TNPO3: variants seen among roughly 807,000 people sequenced by gnomAD.
The protein encoded by TNPO3 is transportin 3.
TNPO3 carries 65 observed loss-of-function variants against 122.8 expected under a neutral mutation model. That is an observed-to-expected ratio of 0.53 (90% CI 0.43 to 0.65). The LOEUF is 0.65. TNPO3 is among the 30% of genes least tolerant of loss of function. TNPO3 has a pLI of 0.00. For synonymous variants in TNPO3, 372 were observed against 411.2 expected, an observed-to-expected ratio of 0.90 and a Z score of 1.15; for missense variants, 850 against 1,136.7, an observed-to-expected ratio of 0.75 and a Z score of 3.63.
rs751085949 is a variant in TNPO3 at position 128,992,104 on chromosome 7, G to A, written c.1267-14C>T. On this transcript the variant is annotated splice_polypyrimidine_tract_variant and intron_variant, in intron 9 of 22. Coordinates refer to ENST00000265388, the MANE Select transcript of TNPO3 (RefSeq NM_012470.4). ...AGTAGAATATAACTAGAGAAGAAGA[G>A]GTGGATTATGGATCCATTAAAAGGA... 6.9e-6 allele frequency: 10 copies of A among 1,457,062 alleles called. No homozygotes were observed. Among genetic ancestry groups the A allele is most frequent in the Non-Finnish European group, 9.5e-6 (10 of 1,056,510 alleles). 90.3% of individuals were successfully genotyped at this position (1,457,062 alleles called of 1,614,324 possible).
chr7:128,995,125 G>A (rs908764766), intron 8 of TNPO3, among the ~76,000 whole-genome samples: 1 of 152,024 alleles, frequency 6.6e-6, no homozygotes, highest in African/African-American at 2.4e-5. Context: ...TCATGTAGGT[G>A]GACAGATATA....
At chr7:129,055,334 C>T (rs950247661), upstream of TNPO3, 12 of 156,346 alleles carry the variant, frequency 7.7e-5, no homozygotes, top group African/African-American at 2.9e-4. Context: ...CTGCCTTCAG[C>T]TCCTTGGAAA....
At chr7:129,030,832 T>C (rs1484281483) in intron 1 of TNPO3, among the ~76,000 whole-genome samples, 1 of 152,236 alleles carries the variant, frequency 6.6e-6, no homozygotes, top group Non-Finnish European at 1.5e-5. Flanking sequence ...TTTTCTGATA[T>C]GCTACTCAAG....
rs1028192233 is a variant in TNPO3, at chr7:128,960,799, G to A, written c.2712-3484C>T. Among the ~76,000 whole-genome samples the A allele has an allele frequency of 4.0e-5, 6 of 151,498 alleles. No individual in the cohort carries two copies. In the East Asian group the frequency reaches 7.7e-4, roughly 20 times the overall value. On this transcript the variant is annotated intron_variant, in intron 21 of 22. Transcript: ENST00000265388. Reference sequence around the variant, plus strand: ...TTTTGAGACAGAGTCTCACTCTGTCGCCCAGGCTGGAGTGCGGTGGCACAA... The same window carrying A: ...TTTTGAGACAGAGTCTCACTCTGTCACCCAGGCTGGAGTGCGGTGGCACAA...
chr7:128,987,007 T>C, intron 11 of TNPO3, 87 bp from the exon 12 acceptor site: 1 of 1,376,016 alleles, frequency 7.3e-7, no homozygotes, highest in Non-Finnish European at 9.7e-7. Context: ...CTTGCTTTTC[T>C]TTTTTTAAAG....
intron 8 of TNPO3, among the ~76,000 whole-genome samples, chr7:128,997,031 T>C (rs555704509): frequency 3.9e-5 from 6 of 152,280 alleles, no homozygotes; most frequent in East Asian, 1.9e-4. Context: ...CTTTTTTTTT[T>C]CCCTAAATAG....
At chr7:128,999,505 C>T (rs1215538341) in intron 7 of TNPO3, among the ~76,000 whole-genome samples, 1 of 152,160 alleles carries the variant, frequency 6.6e-6, no homozygotes, top group Non-Finnish European at 1.5e-5. Context: ...AGTCACAGGA[C>T]CACTGTGCCT....
chr7:128,978,342 G>C (rs1188229238), intron 16 of TNPO3, among the ~76,000 whole-genome samples: 1 of 152,174 alleles, frequency 6.6e-6, no homozygotes, highest in Non-Finnish European at 1.5e-5. Flanking sequence ...GGCCAAGATT[G>C]AAGAAAATCC....
At chr7:128,967,513 G>T in intron 20 of TNPO3, 121 bp from the exon 21 acceptor site, 1 of 633,558 alleles carries the variant, frequency 1.6e-6, no homozygotes. Flanking sequence ...CTACACTTGG[G>T]AGCAAGTAAA....
At chr7:128,989,691 G>GAAAT (rs1800546605) in intron 11 of TNPO3, among the ~76,000 whole-genome samples, 1 of 152,332 alleles carries the variant, frequency 6.6e-6, no homozygotes, top group African/African-American at 2.4e-5. Context: ...AACAGAGATA[G>GAAAT]AAATGTTCAT....
At chr7:128,969,672 G>T (rs902537425) in intron 20 of TNPO3, among the ~76,000 whole-genome samples, 1 of 152,142 alleles carries the variant, frequency 6.6e-6, no homozygotes, top group African/African-American at 2.4e-5. Flanking sequence ...CTGGTTCAAA[G>T]AAATCCAAAG....
intron 16 of TNPO3, among the ~76,000 whole-genome samples, chr7:128,976,554 G>A (rs564810613): frequency 7.9e-5 from 12 of 151,898 alleles, no homozygotes; most frequent in Non-Finnish European, 1.8e-4. Flanking sequence ...GCTCACTGTG[G>A]CCTCAACCTA....
At chr7:128,986,358 C>A (rs563574372) in intron 12 of TNPO3, among the ~76,000 whole-genome samples, 29 of 152,296 alleles carry the variant, frequency 1.9e-4, no homozygotes, top group African/African-American at 6.5e-4. Flanking sequence ...GGCACTGATC[C>A]ATGTATACTA....
chr7:129,018,203 T>C, intron 1 of TNPO3, 46 bp from the exon 2 acceptor site: 2 of 1,580,040 alleles, frequency 1.3e-6, no homozygotes, highest in Non-Finnish European at 1.7e-6. Context: ...ACTACTTTTC[T>C]AATTTTAATG....
Position 129,055,085 on chromosome 7 carries a change from A to G in TNPO3, c.-315T>C. ...CCTCAGAAGCCTATCTTGGGAGGCC[A>G]CACACCAGTGTACCTAAGGTTCGTT... On this transcript the variant is annotated 5_prime_UTR_variant, in exon 1 of 23. Transcript: ENST00000265388. The G allele has an allele frequency of 2.8e-6, 1 of 360,088 alleles. No homozygotes were observed. Among genetic ancestry groups the G allele is most frequent in the Non-Finnish European group, 5.3e-6 (1 of 187,254 alleles). 22.3% of individuals were successfully genotyped at this position (360,088 alleles called of 1,614,324 possible). A position where few individuals can be genotyped will look rare whatever the true frequency, so the allele number is the denominator to read the frequency against.
At chr7:129,042,139 A>C (rs1807451717) in intron 1 of TNPO3, among the ~76,000 whole-genome samples, 1 of 152,242 alleles carries the variant, frequency 6.6e-6, no homozygotes, top group African/African-American at 2.4e-5. Flanking sequence ...AATTAAGCAG[A>C]ATTACCTAAA....
chr7:129,000,430 T>C lies in TNPO3; in HGVS notation c.1010A>G (p.Glu337Gly). The change falls in exon 7 of 23, where the codon GAG becomes GGG. Residue 337 changes from glutamate to glycine, a missense_variant and splice_region_variant. By Grantham distance (98) the Glu-to-Gly change is moderately conservative (BLOSUM62 -2). Coordinates refer to ENST00000265388, the MANE Select transcript of TNPO3 (RefSeq NM_012470.4). ...GCCTTTGAATAGCATAAACACTACC[T>C]CATATTGAGGATGGCCTGCACAGAT... ...LLICAGHPQY[E>G]VVEISFNFWY... The C allele has an allele frequency of 6.2e-7, 1 of 1,612,888 alleles. No individual in the cohort carries two copies. Among genetic ancestry groups the C allele is most frequent in the Non-Finnish European group, 8.5e-7 (1 of 1,179,262 alleles).
At chr7:129,053,739 CTCT>C (rs1809102993) in intron 1 of TNPO3, among the ~76,000 whole-genome samples, 1 of 152,118 alleles carries the variant, frequency 6.6e-6, no homozygotes. Context: ...TAAAAAAAGC[CTCT>C]TTAGTTTTCA....
chr7:128,979,996 T>G lies in TNPO3; in HGVS notation c.1895A>C (p.His632Pro). The G allele has an allele frequency of 1.2e-6, 2 of 1,614,114 alleles. No homozygotes were observed. The highest frequency in any genetic ancestry group is 1.7e-6 in the Non-Finnish European group (2 of 1,179,986). ...TNPIVENGQT[H>P]PCQKVIQEIW... ...TTCCTGTATGACTTTCTGACACGGA[T>G]GAGTCTGTCCATTTTCCACAATGGG... Residue 632 changes from histidine (H) to proline (P), a missense_variant, in exon 15 of 23, where the codon CAT becomes CCT. His to Pro is a moderately conservative substitution (Grantham distance 77, BLOSUM62 -2). Coordinates refer to ENST00000265388, the MANE Select transcript of TNPO3 (RefSeq NM_012470.4).
Sources: gnomAD v4.1 joint callset for allele counts (sites outside exome capture counted in the v4.1 genomes callset) on GRCh38, gnomAD v4.1.1 for gene constraint, MANE v1.5 for transcripts, NCBI Gene and HGNC (gene_info 2026-07-23, HGNC 2026-07-21) for gene names.